Variants in ZNF19 observed in about 807,000 individuals in gnomAD.
ZNF19 encodes the protein zinc finger protein 19, also known as zinc finger protein 19 (KOX 12).
Under a neutral mutation model 13.1 loss-of-function variants are expected in ZNF19, and 11 were observed. The ratio of observed to expected loss-of-function variants is 0.84; its 90% confidence interval spans 0.53 to 1.39. The LOEUF is 1.39. Ranked by LOEUF, ZNF19 falls within the 40% of genes most tolerant of loss-of-function variation. The probability of loss-of-function intolerance (pLI) is 0.00; values close to 1 mark genes in which losing one functional copy is unlikely to be tolerated. For missense variants in ZNF19, 560 were observed against 547.0 expected (o/e 1.02, Z -0.24); for synonymous variants, 186 against 187.0 (o/e 0.99, Z 0.04).
intron 4 of ZNF19, 127 bp downstream of exon 4, chr16:71,478,752 A>ACTC: frequency 7.6e-7 from 1 of 1,317,514 alleles, no homozygotes; most frequent in Non-Finnish European, 1.0e-6. Flanking sequence ...TCAGCTCTGC[A>ACTC]GTCACTCAGT....
At chr16:71,477,383 G>A (rs1380914006) in intron 5 of ZNF19, among the ~76,000 whole-genome samples, 2 of 152,058 alleles carry the variant, frequency 1.3e-5, no homozygotes, top group African/African-American at 4.8e-5. Flanking sequence ...AGGCTGAAGT[G>A]CTGTGCTAGC....
At chr16:71,476,302 T>C (rs1478833562) in intron 5 of ZNF19, 30 bp from the exon 6 acceptor site, 1 of 1,578,990 alleles carries the variant, frequency 6.3e-7, no homozygotes, top group Non-Finnish European at 8.6e-7. Flanking sequence ...ACACAAATAA[T>C]GCCACCTGAG....
intron 5 of ZNF19, chr16:71,478,003 AG>A: frequency 2.0e-6 from 1 of 487,870 alleles, no homozygotes; most frequent in Non-Finnish European, 3.7e-6. Context: ...CAACTAAGGT[AG>A]GCAATGTTGA....
Position 71,475,801 on chromosome 16 carries a change from T to A in ZNF19, c.746A>T (p.Glu249Val). 1.2e-6 allele frequency: 2 copies of A among 1,612,846 alleles called. No individual in the cohort carries two copies. Among genetic ancestry groups the A allele is most frequent in the Non-Finnish European group, 1.7e-6 (2 of 1,179,142 alleles). ...HSGDRPYYCT[E>V]CGNSFTSSSE... is the part of the protein sequence containing the mutation. ...ACTACTCGTGAAACTATTCCCACAC[T>A]CTGTACAGTAATAGGGTCTGTCCCC... Residue 249 changes from glutamate to valine, a missense_variant, in exon 6 of 6, where the codon GAG (glutamate) becomes GTG (valine). By Grantham distance (121) the Glu-to-Val change is moderately radical (BLOSUM62 -2). Coordinates refer to ENST00000288177, the MANE Select transcript of ZNF19 (RefSeq NM_006961.4).
Position 71,474,120 on chromosome 16 carries a change from A to C in ZNF19, c.*1050T>G, listed in dbSNP as rs17345313. 0.26 allele frequency: 40,154 copies of C among 152,136 alleles called. 6,112 individuals are homozygous for C. The highest frequency in any genetic ancestry group is 0.4 in the Middle Eastern group (117 of 292). The allele number at this position is 152,136 out of a possible 1,614,324, so 9.4% of individuals were successfully genotyped here. A position where few individuals can be genotyped will look rare whatever the true frequency, so the allele number is the denominator to read the frequency against. ...AGCGGAAGGACACGTGGGAGAAAAA[A>C]AGGGTGCAGTTTGTGTTCATCACCA... On this transcript the variant is annotated 3_prime_UTR_variant, in exon 6 of 6. Transcript: ENST00000288177.
chr16:71,481,568 G>A (rs544366249), intron 3 of ZNF19, among the ~76,000 whole-genome samples: 160 of 152,260 alleles, frequency 1.1e-3, no homozygotes, highest in African/African-American at 3.6e-3. Context: ...TCCTATCACA[G>A]CCCATTGCCT....
At chr16:71,481,236 T>C (rs2043635257) in intron 3 of ZNF19, among the ~76,000 whole-genome samples, 1 of 152,158 alleles carries the variant, frequency 6.6e-6, no homozygotes, top group Non-Finnish European at 1.5e-5. Context: ...GAAGCTGATA[T>C]ATCAGTGACA....
In ZNF19 at chr16:71,482,068, G is replaced by A; in HGVS notation, c.33+14C>T. The A allele has an allele frequency of 1.2e-6, 2 of 1,613,958 alleles. No homozygotes were observed. The highest frequency in any genetic ancestry group is 1.6e-4 in the Middle Eastern group (1 of 6,062). On this transcript the variant is annotated intron_variant, in intron 3 of 5. Coordinates refer to ENST00000288177, the MANE Select transcript of ZNF19 (RefSeq NM_006961.4). ...AGACCTCCATAGAGCTGACCTCAGG[G>A]ATCCACAGCTCACCTGGTATTGAGC...
At position 71,478,956 on chromosome 16, in the gene ZNF19, C is replaced by G; in HGVS notation, c.83G>C (p.Trp28Ser). The G allele has an allele frequency of 1.2e-6, 2 of 1,614,224 alleles. No individual in the cohort carries two copies. Among genetic ancestry groups the G allele is most frequent in the Non-Finnish European group, 1.7e-6 (2 of 1,180,050 alleles). The change falls in exon 4 of 6, where the codon TGG (tryptophan) becomes TCG (serine). Residue 28 changes from tryptophan to serine, a missense_variant. Transcript: ENST00000288177. ...CCTCTGGGCAGGAGAAAGGCCAGTC[C>G]ATTCTGTCTTGGTGAAGTGCACAGC... ...DVAVHFTKTE[W>S]TGLSPAQRAL...
At chr16:71,480,244 G>C (rs74026826) in intron 3 of ZNF19, among the ~76,000 whole-genome samples, 19 of 152,098 alleles carry the variant, frequency 1.2e-4, no homozygotes, top group African/African-American at 4.3e-4. Context: ...AATACACTCC[G>C]ACCTTCCAAT....
Position 71,475,227 on chromosome 16 carries a change from A to G in ZNF19, c.1320T>C (p.Pro440=), listed in dbSNP as rs968865777. Residue 440 remains proline (P), a synonymous_variant, in exon 6 of 6, where the codon CCT becomes CCC. Transcript: ENST00000288177. ...GGCCAAAACGACAAATGTCCAGCAC[A>G]GGCTTCTCTCCAGAGTAGACATGCT... ...HLEHVYSGEK[P]VLDICRFGLP... The G allele has an allele frequency of 2.5e-6, 4 of 1,614,018 alleles. No homozygotes were observed. The highest frequency in any genetic ancestry group is 3.4e-6 in the Non-Finnish European group (4 of 1,179,958).
At chr16:71,485,078 T>C (rs957872899) in intron 1 of ZNF19, among the ~76,000 whole-genome samples, 1 of 152,176 alleles carries the variant, frequency 6.6e-6, no homozygotes, top group Non-Finnish European at 1.5e-5. Context: ...GTTTTGAAGG[T>C]GTCACCAGAC....
chr16:71,475,410 A>G lies in ZNF19; in HGVS notation c.1137T>C (p.His379=). 6.2e-7 allele frequency: 1 copy of G among 1,614,132 alleles called. No homozygotes were observed. ...QEQLKRHLRI[H]TQESSYVCDE... ...CACATACATAGGAAGACTCCTGAGT[A>G]TGAATTCTCAGATGCCTTTTTAATT... Residue 379 remains histidine (H), a synonymous_variant, in exon 6 of 6, where the codon CAT becomes CAC. Transcript: ENST00000288177.
chr16:71,488,357 C>CAAAAAAA (rs1204906609), intron 1 of ZNF19, among the ~76,000 whole-genome samples: 1 of 65,356 alleles, frequency 1.5e-5, no homozygotes, highest in African/African-American at 4.3e-5. Flanking sequence ...GAGACTATCT[C>CAAAAAAA]AAAAAAAAAA....
rs2145166354 is a variant in ZNF19 at position 71,476,243 on chromosome 16, T to C, written c.304A>G (p.Thr102Ala). ...TCTTCAGAAATTCCCTGGATTAATGTGGACTCACTGTCAATGTTGGTCTCA... is the reference window on the plus strand; with the variant it reads ...TCTTCAGAAATTCCCTGGATTAATGCGGACTCACTGTCAATGTTGGTCTCA... ...DVETNIDSESTLIQGISEERD... is the reference protein window; with the variant it reads ...DVETNIDSESALIQGISEERD... The change falls in exon 6 of 6, where the codon ACA becomes GCA. Residue 102 changes from threonine (T) to alanine (A), a missense_variant. By Grantham distance (58) the Thr-to-Ala change is moderately conservative (BLOSUM62 0). Coordinates refer to ENST00000288177, the MANE Select transcript of ZNF19 (RefSeq NM_006961.4). 6.2e-7 allele frequency: 1 copy of C among 1,613,300 alleles called. No individual in the cohort carries two copies. Among genetic ancestry groups the C allele is most frequent in the East Asian group, 2.2e-5 (1 of 44,882 alleles).
chr16:71,484,350 T>C (rs1429215415), intron 2 of ZNF19, among the ~76,000 whole-genome samples: 1 of 152,202 alleles, frequency 6.6e-6, no homozygotes, highest in African/African-American at 2.4e-5. Context: ...GAGGCGTCCC[T>C]TCCATCCAGC....
At chr16:71,487,874 A>AT (rs1351532506) in intron 1 of ZNF19, among the ~76,000 whole-genome samples, 2 of 152,208 alleles carry the variant, frequency 1.3e-5, no homozygotes. Flanking sequence ...TAAGCTAAAT[A>AT]TTGTGCTGCA....
At chr16:71,476,551 T>A (rs1468083323) in intron 5 of ZNF19, among the ~76,000 whole-genome samples, 3 of 152,218 alleles carry the variant, frequency 2.0e-5, no homozygotes, top group Admixed American at 6.5e-5. Context: ...TGAGCTAGTA[T>A]CTTTTGAATT....
chr16:71,480,985 G>T (rs779392727), intron 3 of ZNF19, among the ~76,000 whole-genome samples: 1 of 152,204 alleles, frequency 6.6e-6, no homozygotes, highest in Non-Finnish European at 1.5e-5. Context: ...GAATCTATCC[G>T]GGAAGCGCTG....
Sources: allele counts gnomAD v4.1 joint callset (sites outside exome capture counted in the v4.1 genomes callset), GRCh38; gene constraint gnomAD v4.1.1; transcripts MANE v1.5; gene names NCBI Gene and HGNC (gene_info 2026-07-23, HGNC 2026-07-21).